The following SMAD2 variants were observed in gnomAD, a reference collection of about 807,000 sequenced individuals.
SMAD2 encodes the protein SMAD family member 2.
In SMAD2, 8 loss-of-function variants were observed where a neutral mutation model predicts 64.4. The observed-to-expected ratio is 0.12, with a 90% CI of 0.07 to 0.22. SMAD2 has a LOEUF of 0.22. Among genes scored for constraint, SMAD2 ranks in the 10% least tolerant of loss-of-function variants. The pLI, the probability that SMAD2 is intolerant of heterozygous loss-of-function variation, is 1.00. For synonymous variants in SMAD2, 203 were observed against 195.8 expected (o/e 1.04, Z -0.31); for missense variants, 289 against 561.2 (o/e 0.51, Z 4.90).
In SMAD2 at chr18:47,812,916, G is replaced by A. The variant is rs1912250389; in HGVS notation, c.*28911C>T. On this transcript the variant is annotated 3_prime_UTR_variant, in exon 11 of 11. Coordinates refer to ENST00000262160, the MANE Select transcript of SMAD2 (RefSeq NM_005901.6). The stretch of plus-strand genomic sequence containing the variant: ...TAAGGAAGACTCTGCAGAGAGGATG[G>A]AATTTAAACTGGGTTCTGGCCAGGC... The A allele has an allele frequency of 6.6e-6, 1 of 152,124 alleles. No homozygotes were observed. The highest frequency in any genetic ancestry group is 2.4e-5 in the African/African-American group (1 of 41,406). 9.4% of individuals were successfully genotyped at this position (152,124 alleles called of 1,614,324 possible). A position where few individuals can be genotyped will look rare whatever the true frequency, so the allele number is the denominator to read the frequency against.
intron 2 of SMAD2, among the ~76,000 whole-genome samples, chr18:47,878,913 C>A (rs887184269): frequency 6.6e-6 from 1 of 152,160 alleles, no homozygotes; most frequent in Non-Finnish European, 1.5e-5. Context: ...CTTTTTGGAA[C>A]ATTAAAAATA....
At position 47,816,715 on chromosome 18, in the gene SMAD2, G is replaced by A. The variant is rs1485976268; in HGVS notation, c.*25112C>T. ...ACCCTCATTTTTCTTTAAAATCTTT[G>A]TCTTCCTTTACTTCCCTGAATACAC... On this transcript the variant is annotated 3_prime_UTR_variant, in exon 11 of 11. Transcript: ENST00000262160. 6.7e-6 allele frequency: 1 copy of A among 149,892 alleles called. No homozygotes were observed. The highest frequency in any genetic ancestry group is 1.5e-5 in the Non-Finnish European group (1 of 67,686). 9.3% of individuals were successfully genotyped at this position (149,892 alleles called of 1,614,324 possible). A position where few individuals can be genotyped will look rare whatever the true frequency, so the allele number is the denominator to read the frequency against.
At chr18:47,891,517 C>CTT (rs5824713) in intron 2 of SMAD2, among the ~76,000 whole-genome samples, 2,219 of 146,144 alleles carry the variant, frequency 0.015, 15 homozygotes, top group African/African-American at 0.02. Flanking sequence ...TTTTAAGTAA[C>CTT]TTTTTTTTTT....
At chr18:47,919,604 C>T (rs1339019260) in intron 1 of SMAD2, among the ~76,000 whole-genome samples, 1 of 151,998 alleles carries the variant, frequency 6.6e-6, no homozygotes, top group Non-Finnish European at 1.5e-5. Context: ...ATGACTGCGG[C>T]GTACTAGGTG....
intron 1 of SMAD2, among the ~76,000 whole-genome samples, chr18:47,927,729 G>A (rs1030023627): frequency 1.3e-5 from 2 of 152,020 alleles, no homozygotes; most frequent in African/African-American, 2.4e-5. Flanking sequence ...GTGAAACCCC[G>A]TCTCTACTAA....
intron 2 of SMAD2, among the ~76,000 whole-genome samples, chr18:47,873,343 T>TA (rs2032059452): frequency 6.6e-6 from 1 of 152,084 alleles, no homozygotes; most frequent in Non-Finnish European, 1.5e-5. Flanking sequence ...AAGAAAAACA[T>TA]ACGTCCCTAC....
intron 1 of SMAD2, among the ~76,000 whole-genome samples, chr18:47,905,333 T>TA (rs2144500366): frequency 6.6e-6 from 1 of 152,296 alleles, no homozygotes; most frequent in South Asian, 2.1e-4. Flanking sequence ...ATCATGTTCA[T>TA]AGACTTGAAG....
intron 1 of SMAD2, among the ~76,000 whole-genome samples, chr18:47,913,998 C>G (rs1393104477): frequency 6.6e-6 from 1 of 152,172 alleles, no homozygotes; most frequent in African/African-American, 2.4e-5. Flanking sequence ...CGATTACTCA[C>G]CGGAAAGTTT....
At chr18:47,928,743 C>T (rs2034868628) in intron 1 of SMAD2, among the ~76,000 whole-genome samples, 1 of 152,204 alleles carries the variant, frequency 6.6e-6, no homozygotes, top group Non-Finnish European at 1.5e-5. Flanking sequence ...TGTGGCCGCA[C>T]TTTAGAAGGT....
intron 1 of SMAD2, among the ~76,000 whole-genome samples, chr18:47,915,669 C>T (rs955450721): frequency 1.3e-5 from 2 of 152,194 alleles, no homozygotes; most frequent in Admixed American, 1.3e-4. Flanking sequence ...CTGCACTCTA[C>T]AATTTCTCTA....
At chr18:47,874,614 T>C (rs570221706) in intron 2 of SMAD2, among the ~76,000 whole-genome samples, 2 of 152,128 alleles carry the variant, frequency 1.3e-5, no homozygotes, top group South Asian at 2.1e-4. Context: ...AAAAAATTCA[T>C]AGAACAATTT....
At position 47,810,769 on chromosome 18, in the gene SMAD2, T is replaced by A. The variant is rs963165883; in HGVS notation, c.*31058A>T. Reference sequence around the variant, plus strand: ...GGGCAACACAGCAAGATCCTGTCTCTGTTAAAAAAGAAGAAAGGAAATGTA... The same window carrying A: ...GGGCAACACAGCAAGATCCTGTCTCAGTTAAAAAAGAAGAAAGGAAATGTA... On this transcript the variant is annotated 3_prime_UTR_variant, in exon 11 of 11. Transcript: ENST00000262160. 4 of 152,046 alleles carry A rather than the reference T, an allele frequency of 2.6e-5. No homozygotes were observed. Among genetic ancestry groups the A allele is most frequent in the African/African-American group, 9.7e-5 (4 of 41,398 alleles). The allele number at this position is 152,046 out of a possible 1,614,324, so 9.4% of individuals were successfully genotyped here.
chr18:47,847,229 G>A (rs1378580816), intron 8 of SMAD2, among the ~76,000 whole-genome samples: 1 of 152,068 alleles, frequency 6.6e-6, no homozygotes, highest in Non-Finnish European at 1.5e-5. Flanking sequence ...ATCTTAATAA[G>A]ATTATCCAAA....
Position 47,812,608 on chromosome 18 carries a change from A to G in SMAD2, c.*29219T>C, listed in dbSNP as rs1242142968. The G allele has an allele frequency of 6.6e-6, 1 of 152,216 alleles. No homozygotes were observed. The highest frequency in any genetic ancestry group is 1.5e-5 in the Non-Finnish European group (1 of 68,046). 9.4% of individuals were successfully genotyped at this position (152,216 alleles called of 1,614,324 possible). ...AGAACAGCATGGGAGAACCACCCCC[A>G]TAATACAATTACTTCCTTCCCTCAA... On this transcript the variant is annotated 3_prime_UTR_variant, in exon 11 of 11. Transcript: ENST00000262160.
In SMAD2 at chr18:47,845,279, A is replaced by G. The variant is rs1297088038; in HGVS notation, c.1280+61T>C. On this transcript the variant is annotated intron_variant, in intron 10 of 10. Transcript: ENST00000262160. Reference sequence around the variant, plus strand: ...GATACAAATGAACTCCAGAATATGCAAGAATGCAATGAAACATAATTACAC... The same window carrying G: ...GATACAAATGAACTCCAGAATATGCGAGAATGCAATGAAACATAATTACAC... The G allele has an allele frequency of 6.2e-6, 9 of 1,444,182 alleles. No individual in the cohort carries two copies. In the African/African-American group the frequency reaches 1.1e-4, roughly 18 times the overall value. The allele number at this position is 1,444,182 out of a possible 1,614,324, so 89.5% of individuals were successfully genotyped here.
intron 1 of SMAD2, among the ~76,000 whole-genome samples, chr18:47,908,138 A>G (rs961507603): frequency 1.3e-5 from 2 of 152,246 alleles, no homozygotes; most frequent in African/African-American, 4.8e-5. Context: ...GGAGGTTGCA[A>G]GTGACCAAAG....
Position 47,829,334 on chromosome 18 carries a change from T to C in SMAD2, c.*12493A>G, listed in dbSNP as rs1387691488. 3.3e-5 allele frequency: 5 copies of C among 152,198 alleles called. No individual in the cohort carries two copies. The highest frequency in any genetic ancestry group is 1.2e-4 in the African/African-American group (5 of 41,438). 9.4% of individuals were successfully genotyped at this position (152,198 alleles called of 1,614,324 possible). A position where few individuals can be genotyped will look rare whatever the true frequency, so the allele number is the denominator to read the frequency against. ...ACTATTTTGAAGCAAGTCTTACCCA[T>C]TGTATTTTACCCATAAATGTTTCAT... On this transcript the variant is annotated 3_prime_UTR_variant, in exon 11 of 11. Coordinates refer to ENST00000262160, the MANE Select transcript of SMAD2 (RefSeq NM_005901.6).
At chr18:47,856,343 T>G (rs975214777) in intron 6 of SMAD2, among the ~76,000 whole-genome samples, 1 of 152,198 alleles carries the variant, frequency 6.6e-6, no homozygotes, top group African/African-American at 2.4e-5. Context: ...TTAGGTGCTC[T>G]TATCACACAC....
intron 2 of SMAD2, among the ~76,000 whole-genome samples, chr18:47,875,468 G>A (rs945766790): frequency 2.0e-5 from 3 of 152,156 alleles, no homozygotes; most frequent in Middle Eastern, 3.4e-3. Context: ...GGGAAAAACT[G>A]TATCTCCCAG....
Sources: allele counts gnomAD v4.1 joint callset (sites outside exome capture counted in the v4.1 genomes callset), GRCh38; gene constraint gnomAD v4.1.1; transcripts MANE v1.5; gene names NCBI Gene and HGNC (gene_info 2026-07-23, HGNC 2026-07-21).